Variants in FHIP1A observed in about 807,000 individuals in gnomAD.
FHIP1A encodes FHF complex subunit HOOK-interacting protein 1A.
Under a neutral mutation model 88.6 loss-of-function variants are expected in FHIP1A, and 61 were observed. The observed-to-expected ratio is 0.69, with a 90% CI of 0.56 to 0.85. The LOEUF (loss-of-function observed/expected upper bound fraction) is 0.85. FHIP1A is among the 40% of genes least tolerant of loss of function. The pLI is 0.00. For missense variants in FHIP1A, 1,154 were observed against 1,273.5 expected (o/e 0.91, Z 1.43); for synonymous variants, 478 against 496.0 (o/e 0.96, Z 0.48).
chr4:151,648,798 G>A (rs1202482117), intron 10 of FHIP1A, among the ~76,000 whole-genome samples: 1 of 151,620 alleles, frequency 6.6e-6, no homozygotes, highest in Non-Finnish European at 1.5e-5. Flanking sequence ...GAGGGAAAAT[G>A]TAAACTCATA....
chr4:151,517,832 T>G (rs1731301762), intron 3 of FHIP1A, among the ~76,000 whole-genome samples: 2 of 152,096 alleles, frequency 1.3e-5, no homozygotes, highest in Non-Finnish European at 2.9e-5. Context: ...CAAAAAAGCT[T>G]ATAGAATAAG....
intron 7 of FHIP1A, among the ~76,000 whole-genome samples, chr4:151,622,813 A>T (rs1198045704): frequency 2.0e-5 from 3 of 152,080 alleles, no homozygotes; most frequent in Non-Finnish European, 4.4e-5. Flanking sequence ...TTTCCTTGTT[A>T]ATTATTACCT....
intron 2 of FHIP1A, among the ~76,000 whole-genome samples, chr4:151,455,570 C>A (rs890311471): frequency 6.6e-6 from 1 of 152,150 alleles, no homozygotes; most frequent in Non-Finnish European, 1.5e-5. Context: ...GTGTGGCCCA[C>A]CCCCCAGGTC....
intron 3 of FHIP1A, among the ~76,000 whole-genome samples, chr4:151,504,587 G>T (rs779211023): frequency 1.8e-3 from 228 of 130,064 alleles, no homozygotes; most frequent in Non-Finnish European, 3.1e-3. Flanking sequence ...GTTATGTTAT[G>T]TTATGTTATG....
At chr4:151,504,697 C>T (rs1730771004) in intron 3 of FHIP1A, among the ~76,000 whole-genome samples, 1 of 152,148 alleles carries the variant, frequency 6.6e-6, no homozygotes, top group South Asian at 2.1e-4. Flanking sequence ...TCTCGGCTCA[C>T]TGCAACCTCT....
chr4:151,499,231 G>C lies in FHIP1A; in HGVS notation c.-123+16583G>C, dbSNP rs559522088. Among the ~76,000 whole-genome samples the C allele has an allele frequency of 9.9e-5, 15 of 152,242 alleles. No individual in the cohort carries two copies. The East Asian group carries it at 2.9e-3, about 29-fold the overall frequency. On this transcript the variant is annotated intron_variant, in intron 3 of 13. Transcript: ENST00000435205. The stretch of plus-strand genomic sequence containing the variant: ...TGACTCACCCTTCTTATATACCTGA[G>C]TCCCAGAACCTCTTTTTTTTGCCTA...
intron 5 of FHIP1A, among the ~76,000 whole-genome samples, chr4:151,580,953 G>A (rs533261218): frequency 1.3e-4 from 20 of 152,288 alleles, no homozygotes; most frequent in South Asian, 2.1e-4. Context: ...CGCCTCCCGG[G>A]TTCAAGTGAT....
In FHIP1A at chr4:151,649,874, T is replaced by G. The variant is rs946715290; in HGVS notation, c.1833T>G (p.Ile611Met). The G allele has an allele frequency of 1.4e-5, 21 of 1,551,318 alleles. No individual in the cohort carries two copies. The African/African-American group carries it at 2.3e-4, about 17-fold the overall frequency. Residue 611 changes from isoleucine (I) to methionine (M), a missense_variant, in exon 11 of 14, where the codon ATT (isoleucine) becomes ATG (methionine). Ile to Met is a conservative substitution (Grantham distance 10). Coordinates refer to ENST00000435205, the MANE Select transcript of FHIP1A (RefSeq NM_001109977.3). ...DLEVSGPPAP[I>M]DPPKHIQEMK... ...AGGTTTCAGGCCCCCCAGCACCCAT[T>G]GATCCCCCCAAACACATCCAGGAGA...
intron 7 of FHIP1A, among the ~76,000 whole-genome samples, chr4:151,602,692 A>T (rs561400891): frequency 1.3e-5 from 2 of 152,316 alleles, no homozygotes; most frequent in South Asian, 4.1e-4. Context: ...GAACATTGAT[A>T]TCCATAGTAA....
chr4:151,634,691 G>A (rs890664811), intron 8 of FHIP1A, among the ~76,000 whole-genome samples: 3 of 151,720 alleles, frequency 2.0e-5, no homozygotes, highest in African/African-American at 7.2e-5. Flanking sequence ...GGTAAAACTG[G>A]ATATCCACAT....
intron 1 of FHIP1A, among the ~76,000 whole-genome samples, chr4:151,422,428 C>T (rs1561488283): frequency 1.3e-5 from 2 of 151,734 alleles, no homozygotes; most frequent in Admixed American, 6.6e-5. Flanking sequence ...GCTCCATTGT[C>T]CAGGCTGGAG....
At chr4:151,594,661 C>T (rs1392318672) in intron 7 of FHIP1A, among the ~76,000 whole-genome samples, 1 of 151,594 alleles carries the variant, frequency 6.6e-6, no homozygotes, top group Non-Finnish European at 1.5e-5. Context: ...ACTGCAAGCT[C>T]CGCCTCCTGG....
chr4:151,598,089 C>A (rs774278661), intron 7 of FHIP1A, among the ~76,000 whole-genome samples: 2 of 151,930 alleles, frequency 1.3e-5, no homozygotes, highest in Non-Finnish European at 2.9e-5. Context: ...AAAAAAAAAA[C>A]AGCTCTTGCA....
chr4:151,589,022 A>G (rs760039001), intron 7 of FHIP1A, 96 bp downstream of exon 7: 9 of 868,114 alleles, frequency 1.0e-5, no homozygotes, highest in African/African-American at 1.7e-5. Flanking sequence ...TGGTGATTTT[A>G]GCCTGATTTT....
chr4:151,481,697 A>G (rs973450702), intron 2 of FHIP1A, among the ~76,000 whole-genome samples: 3 of 152,110 alleles, frequency 2.0e-5, no homozygotes, highest in Admixed American at 2.0e-4. Flanking sequence ...TCCTTAAAAA[A>G]TGTACTCTCT....
chr4:151,599,547 C>A (rs749155651), intron 7 of FHIP1A, among the ~76,000 whole-genome samples: 2 of 152,148 alleles, frequency 1.3e-5, no homozygotes, highest in African/African-American at 2.4e-5. Flanking sequence ...CTGGAAGTGT[C>A]CTAGACTGTT....
In FHIP1A at chr4:151,650,137, G is replaced by C; in HGVS notation, c.2096G>C (p.Arg699Thr). Reference sequence around the variant, plus strand: ...ACAGATTCAGAGGAGGAGTGGAATAGGGACAATTCAGACCCGTTTCACAGT... The same window carrying C: ...ACAGATTCAGAGGAGGAGTGGAATACGGACAATTCAGACCCGTTTCACAGT... ...PETDSEEEWN[R>T]DNSDPFHSEP... is the part of the protein sequence containing the mutation. The change falls in exon 11 of 14, where the codon AGG becomes ACG. Residue 699 changes from arginine to threonine, a missense_variant. Coordinates refer to ENST00000435205, the MANE Select transcript of FHIP1A (RefSeq NM_001109977.3). 1 of 1,551,704 alleles carries C rather than the reference G, an allele frequency of 6.4e-7. No individual in the cohort carries two copies. Among genetic ancestry groups the C allele is most frequent in the Non-Finnish European group, 8.7e-7 (1 of 1,146,994 alleles).
intron 3 of FHIP1A, among the ~76,000 whole-genome samples, chr4:151,540,818 C>T (rs1732256118): frequency 6.6e-6 from 1 of 152,166 alleles, no homozygotes; most frequent in Admixed American, 6.5e-5. Context: ...CCAGACTTCT[C>T]AGGGCTCCAG....
At chr4:151,495,391 A>G in intron 3 of FHIP1A, among the ~76,000 whole-genome samples, 1 of 151,664 alleles carries the variant, frequency 6.6e-6, no homozygotes, top group East Asian at 2.0e-4. Context: ...AGTCCCAGCT[A>G]CTCGGGAGGC....
Sources: allele counts gnomAD v4.1 joint callset (sites outside exome capture counted in the v4.1 genomes callset), GRCh38; gene constraint gnomAD v4.1.1; transcripts MANE v1.5; gene names NCBI Gene and HGNC (gene_info 2026-07-23, HGNC 2026-07-21).